Variants in PKHD1 observed in about 807,000 individuals in gnomAD.
The protein encoded by PKHD1 is PKHD1 ciliary IPT domain containing fibrocystin/polyductin, also known as fibrocystin.
PKHD1 carries 291 observed loss-of-function variants against 412.0 expected under a neutral mutation model. That is an observed-to-expected ratio of 0.71 (90% confidence interval 0.64 to 0.78). The LOEUF (loss-of-function observed/expected upper bound fraction) is 0.78. Ranked by LOEUF, PKHD1 falls within the 30% of genes least tolerant of loss-of-function variation. The pLI, the probability that PKHD1 is intolerant of heterozygous loss-of-function variation, is 0.00. For missense variants in PKHD1, 4,825 were observed against 4,950.7 expected (o/e 0.97, Z 0.76); for synonymous variants, 1,777 against 1,821.5 (o/e 0.98, Z 0.62).
chr6:51,760,284 T>G (rs1216947715), intron 55 of PKHD1, among the ~76,000 whole-genome samples: 1 of 152,172 alleles, frequency 6.6e-6, no homozygotes, highest in African/African-American at 2.4e-5. Flanking sequence ...ATGCATTTAT[T>G]GGAGCCCTTC....
chr6:52,013,987 A>G (rs12206453), intron 34 of PKHD1, among the ~76,000 whole-genome samples: 77,060 of 152,136 alleles, frequency 0.51, 21,653 homozygotes, highest in Non-Finnish European at 0.62. Flanking sequence ...AGCACACTGC[A>G]TCAGAAGCCT....
At chr6:51,726,549 C>A (rs544567557) in intron 60 of PKHD1, among the ~76,000 whole-genome samples, 3 of 152,158 alleles carry the variant, frequency 2.0e-5, no homozygotes, top group African/African-American at 7.2e-5. Context: ...CCTCTAAGTT[C>A]CCATTACCGC....
In PKHD1 at chr6:51,896,147, G is replaced by A. The variant is rs377469077; in HGVS notation, c.6996+7450C>T. On this transcript the variant is annotated intron_variant, in intron 43 of 66. Transcript: ENST00000371117. ...GGTAAACAAAGCAGCCCGGAAGCTC[G>A]AACTGGGTGGAGCCCACCACAGCTC... 3.9e-4 allele frequency among the ~76,000 whole-genome samples: 59 copies of A among 152,280 alleles called. 1 individual carries two copies. The highest frequency in any genetic ancestry group is 1.3e-3 in the African/African-American group (53 of 41,564).
rs572856591 is a variant in PKHD1 at position 51,906,660 on chromosome 6, A to T, written c.6683-320T>A. Among the ~76,000 whole-genome samples the T allele has an allele frequency of 3.3e-5, 5 of 152,300 alleles. No homozygotes were observed. In the East Asian group the frequency reaches 9.6e-4, roughly 29 times the overall value. Reference sequence around the variant, plus strand: ...GCTATCATCTTTAGTATCAGCTTTCATCATAATACAGCAGATGAGAAGTTA... The same window carrying T: ...GCTATCATCTTTAGTATCAGCTTTCTTCATAATACAGCAGATGAGAAGTTA... On this transcript the variant is annotated intron_variant, in intron 40 of 66. Transcript: ENST00000371117.
chr6:51,668,230 G>C (rs369224381), intron 60 of PKHD1, among the ~76,000 whole-genome samples: 1 of 152,024 alleles, frequency 6.6e-6, no homozygotes, highest in Non-Finnish European at 1.5e-5. Flanking sequence ...ATTGAGCAGT[G>C]GTTTGTAGTT....
At chr6:51,981,552 C>A (rs1302803430) in intron 35 of PKHD1, among the ~76,000 whole-genome samples, 2 of 150,842 alleles carry the variant, frequency 1.3e-5, no homozygotes, top group African/African-American at 4.8e-5. Context: ...CTCCTAGCCG[C>A]GAGTGATCCG....
chr6:52,045,969 C>T (rs1331214617), intron 24 of PKHD1, 35 bp downstream of exon 24: 2 of 1,454,536 alleles, frequency 1.4e-6, no homozygotes, highest in South Asian at 1.1e-5. Context: ...TCCAGGGCAG[C>T]AAATCCATGC....
chr6:51,678,599 T>A (rs1776196184), intron 60 of PKHD1, among the ~76,000 whole-genome samples: 1 of 152,078 alleles, frequency 6.6e-6, no homozygotes, highest in South Asian at 2.1e-4. Flanking sequence ...AAGAAAGAAA[T>A]GCACATACAT....
At chr6:51,695,339 A>G (rs550354654) in intron 60 of PKHD1, among the ~76,000 whole-genome samples, 15 of 152,252 alleles carry the variant, frequency 9.9e-5, no homozygotes, top group African/African-American at 3.6e-4. Context: ...TGTAACCTCA[A>G]TCTCAACCCT....
At chr6:51,639,613 C>T (rs1432882619) in intron 63 of PKHD1, among the ~76,000 whole-genome samples, 1 of 152,062 alleles carries the variant, frequency 6.6e-6, no homozygotes, top group Non-Finnish European at 1.5e-5. Context: ...AAAAAAAACC[C>T]TTGCGTCTTC....
chr6:51,768,145 C>T (rs1193155964), intron 55 of PKHD1, among the ~76,000 whole-genome samples: 1 of 149,054 alleles, frequency 6.7e-6, no homozygotes, highest in Non-Finnish European at 1.5e-5. Flanking sequence ...ATATGCTTCA[C>T]CTACTTTTTG....
At chr6:51,982,417 G>C (rs1365714109) in intron 35 of PKHD1, among the ~76,000 whole-genome samples, 1 of 136,916 alleles carries the variant, frequency 7.3e-6, no homozygotes, top group Non-Finnish European at 1.6e-5. Context: ...TGCCGGGTTT[G>C]TGTGGATAGA....
At chr6:51,681,803 T>A (rs1776702445) in intron 60 of PKHD1, among the ~76,000 whole-genome samples, 1 of 152,108 alleles carries the variant, frequency 6.6e-6, no homozygotes, top group Non-Finnish European at 1.5e-5. Flanking sequence ...TACGCATTTG[T>A]TTATGTATTG....
intron 60 of PKHD1, among the ~76,000 whole-genome samples, chr6:51,714,092 C>G (rs1471806497): frequency 6.6e-6 from 1 of 152,084 alleles, no homozygotes; most frequent in Non-Finnish European, 1.5e-5. Context: ...AAAAAATTGG[C>G]CAGGAACAGT....
chr6:52,024,852 T>C lies in PKHD1; in HGVS notation c.4958A>G (p.Asn1653Ser), dbSNP rs1801900855. 1.2e-6 allele frequency: 2 copies of C among 1,614,210 alleles called. No homozygotes were observed. The highest frequency in any genetic ancestry group is 4.5e-5 in the East Asian group (2 of 44,882). The change falls in exon 32 of 67, where the codon AAC (asparagine) becomes AGC (serine). Residue 1653 changes from asparagine (N) to serine (S), a missense_variant. By Grantham distance (46) the Asn-to-Ser change is conservative. Coordinates refer to ENST00000371117, the MANE Select transcript of PKHD1 (RefSeq NM_138694.4). The part of the protein sequence containing the change: ...LWYHIGVIGY[N>S]KAFTPELISI... ...GATCAATTCTGGGGTAAAGGCCTTG[T>C]TATAACCAATGACTCCTATGTGATA...
chr6:52,025,981 A>T lies in PKHD1; in HGVS notation c.3829T>A (p.Phe1277Ile). The T allele has an allele frequency of 6.2e-7, 1 of 1,614,116 alleles. No homozygotes were observed. The highest frequency in any genetic ancestry group is 8.5e-7 in the Non-Finnish European group (1 of 1,180,038). ...CTTGGTGAAGGACCACGGGCGAAGA[A>T]CCTGTTGCCAGCCCAGACCTCCACG... ...AAVEVWAGNR[F>I]FARGPSPSLV... Residue 1277 changes from phenylalanine (F) to isoleucine (I), a missense_variant, in exon 32 of 67, where the codon TTC becomes ATC. Physicochemically the swap from Phe to Ile is conservative, Grantham distance 21. Coordinates refer to ENST00000371117, the MANE Select transcript of PKHD1 (RefSeq NM_138694.4).
At chr6:52,038,247 G>A (rs1804251885) in intron 27 of PKHD1, among the ~76,000 whole-genome samples, 1 of 152,028 alleles carries the variant, frequency 6.6e-6, no homozygotes, top group African/African-American at 2.4e-5. Context: ...TGGGCATGGT[G>A]GCTTGTACCT....
At chr6:51,826,125 G>A (rs1382323407) in intron 52 of PKHD1, among the ~76,000 whole-genome samples, 1 of 152,076 alleles carries the variant, frequency 6.6e-6, no homozygotes, top group Non-Finnish European at 1.5e-5. Flanking sequence ...TCTGATTTAT[G>A]ATCATCTTGC....
At chr6:51,641,130 G>GTAGTTTGGTGACATGGGTATGC (rs1769290850) in intron 63 of PKHD1, among the ~76,000 whole-genome samples, 1 of 152,144 alleles carries the variant, frequency 6.6e-6, no homozygotes. Context: ...ATAAAATAGG[G>GTAGTTTGGTGACATGGGTATGC]TAGTTTGGTG....
Sources: gnomAD v4.1 joint callset for allele counts (sites outside exome capture counted in the v4.1 genomes callset) on GRCh38, gnomAD v4.1.1 for gene constraint, MANE v1.5 for transcripts, NCBI Gene and HGNC (gene_info 2026-07-23, HGNC 2026-07-21) for gene names.